The following HIP1 variants were observed in gnomAD, a reference collection of about 807,000 sequenced individuals.
HIP1 encodes huntingtin interacting protein 1.
HIP1 carries 65 observed loss-of-function variants against 147.6 expected under a neutral mutation model. The observed-to-expected ratio is 0.44, with a 90% CI of 0.36 to 0.54. The LOEUF is 0.54. Ranked by LOEUF, HIP1 falls within the 20% of genes least tolerant of loss-of-function variation. The pLI, the probability that HIP1 is intolerant of heterozygous loss-of-function variation, is 0.00. For missense variants in HIP1, 1,061 were observed against 1,299.6 expected (o/e 0.82, Z 2.82); for synonymous variants, 479 against 504.0 (o/e 0.95, Z 0.67).
Position 75,681,160 on chromosome 7 carries a change from G to A in HIP1, c.120+57641C>T, listed in dbSNP as rs920686363. ...CCTCCTGACCTCAGGTGATCCGTCC[G>A]CCTCGGCCTTTCAAAGTGCTGGGAT... is the stretch of plus-strand genomic sequence containing the variant. On this transcript the variant is annotated intron_variant, in intron 1 of 30. Coordinates refer to ENST00000336926, the MANE Select transcript of HIP1 (RefSeq NM_005338.7). 1.1e-4 allele frequency among the ~76,000 whole-genome samples: 16 copies of A among 151,778 alleles called. No individual in the cohort carries two copies. In the East Asian group the frequency reaches 1.7e-3, roughly 17 times the overall value.
At chr7:75,660,844 A>G (rs1799289245) in intron 1 of HIP1, among the ~76,000 whole-genome samples, 1 of 152,108 alleles carries the variant, frequency 6.6e-6, no homozygotes, top group South Asian at 2.1e-4. Flanking sequence ...CAAAGCCCTC[A>G]GCACCCTCTC....
intron 1 of HIP1, among the ~76,000 whole-genome samples, chr7:75,671,861 A>G (rs932309303): frequency 1.3e-5 from 2 of 152,062 alleles, no homozygotes; most frequent in Non-Finnish European, 2.9e-5. Context: ...CAGCCTCCCA[A>G]GCAGCTGGGA....
intron 1 of HIP1, among the ~76,000 whole-genome samples, chr7:75,729,734 C>T (rs1178286629): frequency 6.6e-6 from 1 of 152,000 alleles, no homozygotes; most frequent in Non-Finnish European, 1.5e-5. Flanking sequence ...TGCAGTGAGC[C>T]GAGATCGCGC....
intron 1 of HIP1, among the ~76,000 whole-genome samples, chr7:75,723,917 T>A (rs1801572004): frequency 6.6e-6 from 1 of 151,012 alleles, no homozygotes; most frequent in Non-Finnish European, 1.5e-5. Flanking sequence ...GCCCGGCTAA[T>A]TTTTTTATTA....
intron 1 of HIP1, among the ~76,000 whole-genome samples, chr7:75,704,014 C>T (rs1800916427): frequency 6.6e-6 from 1 of 152,144 alleles, no homozygotes; most frequent in African/African-American, 2.4e-5. Context: ...AAGACTCATG[C>T]AGCATGGAAG....
intron 1 of HIP1, among the ~76,000 whole-genome samples, chr7:75,660,147 A>G (rs1554513401): frequency 6.7e-6 from 1 of 150,074 alleles, no homozygotes; most frequent in Non-Finnish European, 1.5e-5. Context: ...AAAACACACA[A>G]AAAAACTCAG....
At chr7:75,559,699 C>CGGGGGGG in intron 14 of HIP1, 33 bp downstream of exon 14, 18 of 1,226,530 alleles carry the variant, frequency 1.5e-5, no homozygotes, top group Non-Finnish European at 1.8e-5. Context: ...CGCCTGCCCC[C>CGGGGGGG]GGGGCCCGCC....
At chr7:75,730,062 G>A (rs1801786462) in intron 1 of HIP1, among the ~76,000 whole-genome samples, 1 of 152,150 alleles carries the variant, frequency 6.6e-6, no homozygotes, top group East Asian at 1.9e-4. Flanking sequence ...CCGCCCGAGG[G>A]GGTACAGTTG....
intron 1 of HIP1, among the ~76,000 whole-genome samples, chr7:75,603,233 A>C (rs1797075420): frequency 1.3e-5 from 2 of 151,520 alleles, no homozygotes; most frequent in Non-Finnish European, 2.9e-5. Flanking sequence ...CTGTAGTCCT[A>C]GCTATTAGGG....
intron 1 of HIP1, among the ~76,000 whole-genome samples, chr7:75,679,733 CCCA>C (rs1800005098): frequency 6.6e-6 from 1 of 152,074 alleles, no homozygotes; most frequent in Non-Finnish European, 1.5e-5. Context: ...TCAAGGTAGA[CCCA>C]GCCCCACTTC....
rs529039630 is a variant in HIP1 at position 75,664,339 on chromosome 7, T to C, written c.121-65092A>G. Among the ~76,000 whole-genome samples, 6 of 64,798 alleles carry C rather than the reference T, an allele frequency of 9.3e-5. 1 individual carries two copies. In the South Asian group the frequency reaches 2.8e-3, roughly 31 times the overall value. The allele number at this position is 64,798 out of a possible 152,430, so 42.5% of individuals were successfully genotyped here. A position where few individuals can be genotyped will look rare whatever the true frequency, so the allele number is the denominator to read the frequency against. ...GTATACATACACATGCATATATATGTGTGTATGTATACGTATACATACATA... is the reference window on the plus strand; with the variant it reads ...GTATACATACACATGCATATATATGCGTGTATGTATACGTATACATACATA... On this transcript the variant is annotated intron_variant, in intron 1 of 30. Transcript: ENST00000336926.
At chr7:75,554,365 A>G in intron 20 of HIP1, 75 bp downstream of exon 20, 1 of 1,355,510 alleles carries the variant, frequency 7.4e-7, no homozygotes, top group Non-Finnish European at 1.1e-6. Context: ...ACCTGTCACT[A>G]TCCCCGCATT....
chr7:75,597,739 C>CAAAAAAAA lies in HIP1; in HGVS notation c.184+1437_184+1444dup, dbSNP rs782340180. 2.8e-3 allele frequency among the ~76,000 whole-genome samples: 212 copies of CAAAAAAAA among 75,308 alleles called. 9 individuals are homozygous for CAAAAAAAA. The highest frequency in any genetic ancestry group is 0.01 in the African/African-American group (166 of 16,274). The allele number at this position is 75,308 out of a possible 152,430, so 49.4% of individuals were successfully genotyped here. On this transcript the variant is annotated intron_variant, in intron 2 of 30. Transcript: ENST00000336926. ...TAGGCGACAGAGCAAGACTCTGTCT[C>CAAAAAAAA]AAAAAAAAAAAAAAAAAAGTCCCAA...
intron 22 of HIP1, among the ~76,000 whole-genome samples, chr7:75,550,659 C>T (rs934865097): frequency 1.3e-5 from 2 of 152,070 alleles, no homozygotes; most frequent in Non-Finnish European, 2.9e-5. Flanking sequence ...GTGATCCTCC[C>T]GCTTCGGCCT....
chr7:75,618,697 C>T (rs1223229423), intron 1 of HIP1, among the ~76,000 whole-genome samples: 1 of 152,170 alleles, frequency 6.6e-6, no homozygotes, highest in Admixed American at 6.6e-5. Flanking sequence ...GCCTGACTTA[C>T]AGGAGATCCC....
rs10658504 is a variant in HIP1 at position 75,596,235 on chromosome 7, C to CAAAAA, written c.184+2944_184+2948dup. ...TGGGTGACAGTGCATGACCCTGCCT[C>CAAAAA]AAAAAAAAAAAAAAAAAAAAAAGCT... On this transcript the variant is annotated intron_variant, in intron 2 of 30. Transcript: ENST00000336926. Among the ~76,000 whole-genome samples the CAAAAA allele has an allele frequency of 2.9e-3, 172 of 59,472 alleles. 5 individuals carry two copies. Among genetic ancestry groups the CAAAAA allele is most frequent in the African/African-American group, 8.3e-3 (125 of 15,086 alleles). 39.0% of individuals were successfully genotyped at this position (59,472 alleles called of 152,430 possible).
chr7:75,631,863 C>A (rs1584901492), intron 1 of HIP1, among the ~76,000 whole-genome samples: 1 of 152,106 alleles, frequency 6.6e-6, no homozygotes, highest in African/African-American at 2.4e-5. Flanking sequence ...CTTCAAGAAA[C>A]TCACCCAGCT....
chr7:75,664,551 T>G (rs1799497120), intron 1 of HIP1, among the ~76,000 whole-genome samples: 1 of 150,102 alleles, frequency 6.7e-6, no homozygotes, highest in African/African-American at 2.4e-5. Flanking sequence ...CATACATATA[T>G]ATGTATGTGT....
chr7:75,730,860 G>A (rs987011577), intron 1 of HIP1, among the ~76,000 whole-genome samples: 3 of 149,132 alleles, frequency 2.0e-5, no homozygotes, highest in African/African-American at 4.9e-5. Context: ...TCAGCCTCCC[G>A]AGTAGCTGGG....
Sources: allele counts gnomAD v4.1 joint callset (sites outside exome capture counted in the v4.1 genomes callset), GRCh38; gene constraint gnomAD v4.1.1; transcripts MANE v1.5; gene names NCBI Gene and HGNC (gene_info 2026-07-23, HGNC 2026-07-21).